LMX1A: variants seen among roughly 807,000 people sequenced by gnomAD.
LMX1A encodes LIM homeobox transcription factor 1 alpha.
In LMX1A, 15 loss-of-function variants were observed where a neutral mutation model predicts 49.1. The observed-to-expected ratio is 0.31, with a 90% CI of 0.20 to 0.47. The LOEUF (loss-of-function observed/expected upper bound fraction) is 0.47, where lower values mean the gene tolerates loss of function less well. Ranked by LOEUF, LMX1A falls within the 20% of genes least tolerant of loss-of-function variation. The pLI is 1.00. For missense variants in LMX1A, 372 were observed against 475.8 expected (o/e 0.78, Z 2.03); for synonymous variants, 167 against 185.7 (o/e 0.90, Z 0.82).
At chr1:165,344,881 C>A (rs1014658881) in intron 3 of LMX1A, among the ~76,000 whole-genome samples, 2 of 152,212 alleles carry the variant, frequency 1.3e-5, no homozygotes, top group Non-Finnish European at 2.9e-5. Context: ...TCAGGAGAGA[C>A]ATCAACCTCT....
intron 3 of LMX1A, among the ~76,000 whole-genome samples, chr1:165,314,999 C>T (rs187907715): frequency 6.6e-6 from 1 of 152,308 alleles, no homozygotes; most frequent in Admixed American, 6.5e-5. Context: ...TCTCTTGCTT[C>T]CCAGACCCTA....
chr1:165,316,862 G>A (rs181786033), intron 3 of LMX1A, among the ~76,000 whole-genome samples: 134 of 152,240 alleles, frequency 8.8e-4, no homozygotes, highest in African/African-American at 2.1e-3. Context: ...ACTCGGGCCC[G>A]GGCAAAGCTG....
At chr1:165,354,336 C>T (rs1351058653) in intron 2 of LMX1A, among the ~76,000 whole-genome samples, 3 of 152,110 alleles carry the variant, frequency 2.0e-5, no homozygotes, top group Admixed American at 1.3e-4. Flanking sequence ...AGATAGATCC[C>T]AATTTTACAA....
chr1:165,343,605 G>A (rs974171400), intron 3 of LMX1A, among the ~76,000 whole-genome samples: 15 of 152,166 alleles, frequency 9.9e-5, no homozygotes, highest in Non-Finnish European at 1.5e-4. Context: ...TTTCAGTAAT[G>A]GAGAGAGCTA....
chr1:165,349,658 C>T (rs1265391775), intron 3 of LMX1A, among the ~76,000 whole-genome samples: 1 of 152,128 alleles, frequency 6.6e-6, no homozygotes, highest in Non-Finnish European at 1.5e-5. Flanking sequence ...TTCCTAACGG[C>T]ATCGCAGTAT....
At chr1:165,243,960 G>C (rs1176366604) in intron 4 of LMX1A, among the ~76,000 whole-genome samples, 2 of 152,196 alleles carry the variant, frequency 1.3e-5, no homozygotes, top group African/African-American at 4.8e-5. Flanking sequence ...AAAGGCCAAG[G>C]CATGATTGGA....
At chr1:165,270,715 T>C (rs1653768028) in intron 3 of LMX1A, among the ~76,000 whole-genome samples, 1 of 152,100 alleles carries the variant, frequency 6.6e-6, no homozygotes, top group Non-Finnish European at 1.5e-5. Context: ...TTATAGGAAA[T>C]GGGGAGTCTT....
chr1:165,249,463 G>A lies in LMX1A; in HGVS notation c.441C>T (p.Asp147=). The A allele has an allele frequency of 6.2e-7, 1 of 1,614,128 alleles. No individual in the cohort carries two copies. The highest frequency in any genetic ancestry group is 1.1e-5 in the South Asian group (1 of 91,076). Residue 147 remains aspartate, a synonymous_variant, in exon 4 of 9, where the codon GAC becomes GAT. Transcript: ENST00000342310. ...TGAGCAGCTCCCGCTCCTTCTCATA[G>A]TCCCCTTTGCAGAGCAGCTGCCCCT... ...LKEGQLLCKG[D]YEKERELLSL...
chr1:165,207,273 G>C (rs997660921), intron 7 of LMX1A, among the ~76,000 whole-genome samples: 1 of 152,032 alleles, frequency 6.6e-6, no homozygotes, highest in African/African-American at 2.4e-5. Flanking sequence ...GGGGCATAGC[G>C]TTTAAGAATG....
chr1:165,219,427 C>T (rs1253389122), intron 4 of LMX1A, among the ~76,000 whole-genome samples: 1 of 149,382 alleles, frequency 6.7e-6, no homozygotes, highest in East Asian at 1.9e-4. Flanking sequence ...GAGGAAGGGT[C>T]TGGGATTTGT....
chr1:165,310,996 C>T (rs1273299192), intron 3 of LMX1A, among the ~76,000 whole-genome samples: 1 of 152,270 alleles, frequency 6.6e-6, no homozygotes, highest in East Asian at 1.9e-4. Context: ...ATCTGGGAGT[C>T]TATTTCTATT....
chr1:165,295,255 G>A (rs6686607), intron 3 of LMX1A, among the ~76,000 whole-genome samples: 64,307 of 150,376 alleles, frequency 0.43, 14,266 homozygotes, highest in South Asian at 0.58. Context: ...AAAATATATA[G>A]GCAGAAAAAA....
chr1:165,224,480 T>C (rs1571159114), intron 4 of LMX1A, among the ~76,000 whole-genome samples: 1 of 152,224 alleles, frequency 6.6e-6, no homozygotes, highest in African/African-American at 2.4e-5. Context: ...ACAGTGTTTA[T>C]GGTATCTAGT....
intron 8 of LMX1A, 52 bp downstream of exon 8, chr1:165,205,812 G>A (rs373146241): frequency 1.5e-5 from 23 of 1,567,594 alleles, no homozygotes; most frequent in Non-Finnish European, 2.0e-5. Flanking sequence ...AGGAGGGAAT[G>A]AGAAACCCAC....
intron 4 of LMX1A, among the ~76,000 whole-genome samples, chr1:165,228,281 G>T (rs1557856066): frequency 6.6e-6 from 1 of 152,168 alleles, no homozygotes; most frequent in Admixed American, 6.5e-5. Context: ...CAGGCCCACT[G>T]CAGCTCCAGC....
intron 4 of LMX1A, among the ~76,000 whole-genome samples, chr1:165,239,430 C>A (rs1406779447): frequency 6.6e-6 from 1 of 152,182 alleles, no homozygotes; most frequent in Non-Finnish European, 1.5e-5. Context: ...GAATTAAGTT[C>A]TTATTCTGGC....
At chr1:165,226,143 T>C (rs933369074) in intron 4 of LMX1A, among the ~76,000 whole-genome samples, 2 of 152,172 alleles carry the variant, frequency 1.3e-5, no homozygotes, top group Non-Finnish European at 2.9e-5. Context: ...TTGTGCATCA[T>C]TGGGAAGTAC....
intron 7 of LMX1A, among the ~76,000 whole-genome samples, chr1:165,206,809 CT>C (rs1651102837): frequency 6.6e-6 from 1 of 152,162 alleles, no homozygotes. Context: ...CTGCTCCACC[CT>C]TCCCCACACC....
chr1:165,347,932 T>C (rs1002785144), intron 3 of LMX1A, among the ~76,000 whole-genome samples: 3 of 152,180 alleles, frequency 2.0e-5, no homozygotes, highest in African/African-American at 7.2e-5. Flanking sequence ...ATTGTTGTCA[T>C]TAGAGAAACA....
Sources: allele counts gnomAD v4.1 joint callset (sites outside exome capture counted in the v4.1 genomes callset), GRCh38; gene constraint gnomAD v4.1.1; transcripts MANE v1.5; gene names NCBI Gene and HGNC (gene_info 2026-07-23, HGNC 2026-07-21).